PFKL: variants seen among roughly 807,000 people sequenced by gnomAD.
The protein encoded by PFKL is ATP-dependent 6-phosphofructokinase, liver type.
PFKL carries 74 observed loss-of-function variants against 92.1 expected under a neutral mutation model. The ratio of observed to expected loss-of-function variants is 0.80; its 90% CI spans 0.67 to 0.97. The LOEUF (loss-of-function observed/expected upper bound fraction) is 0.97. Among genes scored for constraint, PFKL ranks in the 50% least tolerant of loss-of-function variants. The probability of loss-of-function intolerance (pLI) is 0.00; values close to 1 mark genes in which losing one functional copy is unlikely to be tolerated. For missense variants in PFKL, 1,028 were observed against 1,116.6 expected (o/e 0.92, Z 1.13); for synonymous variants, 494 against 456.4 (o/e 1.08, Z -1.05).
In PFKL at chr21:44,319,223, G is replaced by GC. The variant is rs1417144319; in HGVS notation, c.1063-126dup. On this transcript the variant is annotated intron_variant, in intron 10 of 21. Transcript: ENST00000349048. ...TGACCGCTGTTCCTAGGGAGAGGCT[G>GC]CCAGGCCTGGGCCAGGGTCAGGAGA... The GC allele has an allele frequency of 1.6e-5, 12 of 758,404 alleles. No individual in the cohort carries two copies. The Admixed American group carries it at 1.7e-4, about 10-fold the overall frequency. 47.0% of individuals were successfully genotyped at this position (758,404 alleles called of 1,614,324 possible).
intron 8 of PFKL, 33 bp downstream of exon 8, chr21:44,316,372 C>G (rs773422888): frequency 5.6e-6 from 9 of 1,611,446 alleles, no homozygotes; most frequent in Non-Finnish European, 7.6e-6. Context: ...CCACTGGGCA[C>G]CTGCTCCTCT....
intron 3 of PFKL, 41 bp from the exon 4 acceptor site, chr21:44,312,064 G>A (rs769252291): frequency 1.6e-5 from 22 of 1,381,602 alleles, no homozygotes; most frequent in Non-Finnish European, 1.7e-5. Flanking sequence ...GCTGTCTGCC[G>A]CCTGCCATCT....
At chr21:44,310,254 G>A (rs866300339) in intron 2 of PFKL, among the ~76,000 whole-genome samples, 6 of 152,264 alleles carry the variant, frequency 3.9e-5, no homozygotes, top group Non-Finnish European at 7.3e-5. Context: ...TGGCACGGAG[G>A]CTGTGCAGGT....
intron 1 of PFKL, among the ~76,000 whole-genome samples, chr21:44,303,825 G>C (rs1300625878): frequency 6.6e-6 from 1 of 152,154 alleles, no homozygotes; most frequent in Non-Finnish European, 1.5e-5. Context: ...CTTTTTTCCT[G>C]GGCAGGGGTG....
At chr21:44,302,430 C>A (rs766310807) in intron 1 of PFKL, among the ~76,000 whole-genome samples, 2 of 152,210 alleles carry the variant, frequency 1.3e-5, no homozygotes, top group Non-Finnish European at 2.9e-5. Flanking sequence ...AGTCCTGTTT[C>A]ATGAGTTCGG....
intron 2 of PFKL, among the ~76,000 whole-genome samples, chr21:44,307,611 C>T (rs1165853046): frequency 6.6e-6 from 1 of 152,256 alleles, no homozygotes; most frequent in East Asian, 1.9e-4. Context: ...GTCTCAGTTC[C>T]CCCATCTTGG....
Position 44,313,630 on chromosome 21 carries a change from C to T in PFKL, c.594-8C>T, listed in dbSNP as rs375546746. 1.2e-4 allele frequency: 198 copies of T among 1,611,228 alleles called. No homozygotes were observed. Among genetic ancestry groups the T allele is most frequent in the Non-Finnish European group, 1.6e-4 (191 of 1,179,300 alleles). ...GCACTGATGCATCCTCCTGTTCCAT[C>T]TCCACAGCCACCAGAGGACCTTCGT... On this transcript the variant is annotated splice_region_variant and splice_polypyrimidine_tract_variant and intron_variant, in intron 5 of 21. Coordinates refer to ENST00000349048, the MANE Select transcript of PFKL (RefSeq NM_002626.6).
chr21:44,322,721 G>A (rs1288191371), intron 14 of PFKL, among the ~76,000 whole-genome samples: 3 of 152,232 alleles, frequency 2.0e-5, no homozygotes, highest in East Asian at 3.8e-4. Context: ...GGAGCCCAGC[G>A]GGGTGGGGGG....
rs1366809983 is a variant in PFKL, at chr21:44,326,110, C to G, written c.2090-49C>G. The G allele has an allele frequency of 1.9e-6, 3 of 1,605,890 alleles. No homozygotes were observed. The African/African-American group carries it at 4.0e-5, about 21-fold the overall frequency. ...CCTCACTTTGCCCTCCCCTGGCTCC[C>G]TGGGGCAGGGCCTCACCATGGAGGG... On this transcript the variant is annotated intron_variant, in intron 20 of 21. Transcript: ENST00000349048.
Position 44,322,219 on chromosome 21 carries a change from C to T in PFKL, c.1409+16C>T, listed in dbSNP as rs757826428. 18 of 1,594,538 alleles carry T rather than the reference C, an allele frequency of 1.1e-5. No individual in the cohort carries two copies. Among genetic ancestry groups the T allele is most frequent in the Admixed American group, 5.0e-5 (3 of 59,428 alleles). Reference sequence around the variant, plus strand: ...GGACCAAGAGGTGAGCTGCCTGCTGCGGGTACCTGGGGGCAGGAGGGCCAG... The same window carrying T: ...GGACCAAGAGGTGAGCTGCCTGCTGTGGGTACCTGGGGGCAGGAGGGCCAG... On this transcript the variant is annotated intron_variant, in intron 14 of 21. Coordinates refer to ENST00000349048, the MANE Select transcript of PFKL (RefSeq NM_002626.6).
chr21:44,320,255 C>T, intron 12 of PFKL, 108 bp downstream of exon 12: 1 of 929,226 alleles, frequency 1.1e-6, no homozygotes, highest in Admixed American at 2.1e-5. Flanking sequence ...TTCCCTCCTG[C>T]TGGGGTCCGA....
Position 44,324,327 on chromosome 21 carries a change from G to A in PFKL, c.1651-164G>A. 13 of 682,098 alleles carry A rather than the reference G, an allele frequency of 1.9e-5. 1 individual carries two copies. In the South Asian group the frequency reaches 2.4e-4, roughly 13 times the overall value. 42.3% of individuals were successfully genotyped at this position (682,098 alleles called of 1,614,324 possible). On this transcript the variant is annotated intron_variant, in intron 16 of 21. Coordinates refer to ENST00000349048, the MANE Select transcript of PFKL (RefSeq NM_002626.6). ...TGGTTGAGAACCCCTGGTCCTGTGG[G>A]GCCCAGGTGGGAGGTGGGCCCAAGC...
At chr21:44,326,662 G>T in intron 21 of PFKL, 53 bp from the exon 22 acceptor site, 1 of 1,580,392 alleles carries the variant, frequency 6.3e-7, no homozygotes, top group South Asian at 1.1e-5. Flanking sequence ...CGTGGCTGAA[G>T]AGCTGCCCTG....
chr21:44,302,905 T>C (rs2040815694), intron 1 of PFKL, among the ~76,000 whole-genome samples: 1 of 152,158 alleles, frequency 6.6e-6, no homozygotes, highest in South Asian at 2.1e-4. Context: ...CAAGGATATC[T>C]ATTTGCACAA....
chr21:44,316,126 G>A (rs2047197495), intron 7 of PFKL, 118 bp from the exon 8 acceptor site: 3 of 869,522 alleles, frequency 3.5e-6, no homozygotes, highest in Admixed American at 3.9e-5. Flanking sequence ...TGGGGATTGT[G>A]CCCTGGCCCA....
Position 44,318,601 on chromosome 21 carries a change from C to G in PFKL, c.1062+6C>G. 6.8e-7 allele frequency: 1 copy of G among 1,474,284 alleles called. No individual in the cohort carries two copies. The highest frequency in any genetic ancestry group is 1.4e-5 in the South Asian group (1 of 73,790). 91.3% of individuals were successfully genotyped at this position (1,474,284 alleles called of 1,614,324 possible). ...TCATGGAGTGCGTGCAGATGGTAAG[C>G]CCTGGGCCCCCCCCATCAGAACCGC... On this transcript the variant is annotated splice_donor_region_variant and intron_variant, in intron 10 of 21. Transcript: ENST00000349048.
intron 12 of PFKL, chr21:44,320,444 T>C (rs1024147312): frequency 2.2e-5 from 6 of 266,822 alleles, no homozygotes; most frequent in Non-Finnish European, 4.3e-5. Flanking sequence ...GTAGAAAATG[T>C]CCCCCGGGGC....
At chr21:44,313,777 C>T in intron 6 of PFKL, 95 bp downstream of exon 6, 1 of 1,395,272 alleles carries the variant, frequency 7.2e-7, no homozygotes, top group Non-Finnish European at 9.9e-7. Context: ...TCAGTTAATG[C>T]CATGGGTGTG....
intron 3 of PFKL, among the ~76,000 whole-genome samples, chr21:44,311,778 CTGTGTGTGCACGTGTGCACGCACA>C (rs2047054512): frequency 6.6e-6 from 1 of 152,148 alleles, no homozygotes; most frequent in Admixed American, 6.5e-5. Context: ...GGTACAGGGC[CTGTGTGTGCACGTGTGCACGCACA>C]TGTGTGTGGC....
Sources: gnomAD v4.1 joint callset for allele counts (sites outside exome capture counted in the v4.1 genomes callset) on GRCh38, gnomAD v4.1.1 for gene constraint, MANE v1.5 for transcripts, NCBI Gene and HGNC (gene_info 2026-07-23, HGNC 2026-07-21) for gene names.